Variants in PDS5A observed in about 807,000 individuals in gnomAD.
The protein encoded by PDS5A is PDS5 cohesin associated factor A.
In PDS5A, 42 loss-of-function variants were observed where a neutral mutation model predicts 167.1. The ratio of observed to expected loss-of-function variants is 0.25; its 90% CI spans 0.20 to 0.33. PDS5A has a LOEUF of 0.33. PDS5A is among the 10% of genes least tolerant of loss of function. The probability of loss-of-function intolerance (pLI) is 1.00; values close to 1 mark genes in which losing one functional copy is unlikely to be tolerated. For missense variants in PDS5A, 1,033 were observed against 1,605.9 expected (o/e 0.64, Z 6.10); for synonymous variants, 553 against 554.6 (o/e 1.00, Z 0.04).
rs368105443 is a variant in PDS5A at position 39,873,039 on chromosome 4, T to C, written c.2383A>G (p.Met795Val). Residue 795 changes from methionine to valine, a missense_variant, in exon 21 of 33, where the codon ATG becomes GTG. Physicochemically the swap from Met to Val is conservative, Grantham distance 21 (BLOSUM62 1). Coordinates refer to ENST00000303538, the MANE Select transcript of PDS5A (RefSeq NM_001100399.2). ...ATAAAATTTGCTACTACAGATTTCA[T>C]TGGGGAAGCAAACTGATCTGGTGCT... is the stretch of plus-strand genomic sequence containing the variant. ...MLAPDQFASP[M>V]KSVVANFIVK... 96 of 1,539,406 alleles carry C rather than the reference T, an allele frequency of 6.2e-5. No homozygotes were observed. Among genetic ancestry groups the C allele is most frequent in the Middle Eastern group, 5.1e-4 (3 of 5,826 alleles).
intron 22 of PDS5A, among the ~76,000 whole-genome samples, chr4:39,867,774 A>ACACCCCC (rs369419469): frequency 2.9e-4 from 32 of 108,590 alleles, no homozygotes; most frequent in East Asian, 2.7e-3. Flanking sequence ...ACACACACAC[A>ACACCCCC]CCCCACAACT....
intron 2 of PDS5A, among the ~76,000 whole-genome samples, chr4:39,969,097 T>C (rs775383094): frequency 2.3e-4 from 35 of 152,184 alleles, no homozygotes; most frequent in Non-Finnish European, 4.1e-4. Flanking sequence ...AATGTAACAA[T>C]GATACTAAAC....
chr4:39,859,771 C>A (rs886938552), intron 26 of PDS5A, among the ~76,000 whole-genome samples: 5 of 152,216 alleles, frequency 3.3e-5, no homozygotes, highest in African/African-American at 4.8e-5. Flanking sequence ...GTCTGGGAAG[C>A]CCACTCCAGT....
Position 39,872,935 on chromosome 4 carries a change from G to A in PDS5A, c.2436+51C>T, listed in dbSNP as rs1194149998. On this transcript the variant is annotated intron_variant, in intron 21 of 32. Transcript: ENST00000303538. ...ACAGAAGTGTTTCTGTGATGAAGAT[G>A]TAAACAGCCTTAATCTCATGATTCT... 6 of 1,040,532 alleles carry A rather than the reference G, an allele frequency of 5.8e-6. 1 individual carries two copies. The South Asian group carries it at 1.1e-4, about 18-fold the overall frequency. 64.5% of individuals were successfully genotyped at this position (1,040,532 alleles called of 1,614,324 possible).
At chr4:39,869,493 G>A in intron 21 of PDS5A, 31 bp from the exon 22 acceptor site, 1 of 1,364,020 alleles carries the variant, frequency 7.3e-7, no homozygotes, top group Non-Finnish European at 1.0e-6. Context: ...TTAGCTATTA[G>A]CATGAAAAAA....
At chr4:39,960,365 T>C (rs1729369355) in intron 2 of PDS5A, among the ~76,000 whole-genome samples, 3 of 152,250 alleles carry the variant, frequency 2.0e-5, no homozygotes, top group African/African-American at 7.2e-5. Flanking sequence ...AACAATGATA[T>C]GTGTATAAGT....
At chr4:39,883,004 A>T (rs547822060) in intron 17 of PDS5A, among the ~76,000 whole-genome samples, 28 of 152,118 alleles carry the variant, frequency 1.8e-4, no homozygotes, top group African/African-American at 6.3e-4. Flanking sequence ...CTTGAGTGAA[A>T]ACTCTTCTAA....
At chr4:39,893,377 T>C (rs762843768) in intron 16 of PDS5A, among the ~76,000 whole-genome samples, 1 of 152,166 alleles carries the variant, frequency 6.6e-6, no homozygotes, top group Non-Finnish European at 1.5e-5. Flanking sequence ...TCAAAGTATG[T>C]TTGCTAAGAT....
chr4:39,848,676 T>C, intron 28 of PDS5A, 175 bp downstream of exon 28: 2 of 588,266 alleles, frequency 3.4e-6, no homozygotes, highest in Non-Finnish European at 6.0e-6. Flanking sequence ...TGTAGTCTTC[T>C]GTTCAAGTCA....
intron 32 of PDS5A, 139 bp downstream of exon 32, chr4:39,837,717 A>C (rs1309534420): frequency 1.6e-6 from 1 of 617,192 alleles, no homozygotes; most frequent in Admixed American, 3.3e-5. Flanking sequence ...AACAGATGCT[A>C]TTATAAACGG....
chr4:39,858,749 G>A (rs918630531), intron 26 of PDS5A, among the ~76,000 whole-genome samples: 1 of 151,888 alleles, frequency 6.6e-6, no homozygotes, highest in Non-Finnish European at 1.5e-5. Context: ...TCAGCCTCCC[G>A]AGTAGCTGGG....
At chr4:39,866,112 T>TTTTA (rs969434428) in intron 23 of PDS5A, among the ~76,000 whole-genome samples, 3 of 152,240 alleles carry the variant, frequency 2.0e-5, no homozygotes, top group South Asian at 2.1e-4. Context: ...CAATTTTTAT[T>TTTTA]TTTATTTATT....
At chr4:39,962,528 G>A (rs892373367) in intron 2 of PDS5A, among the ~76,000 whole-genome samples, 1 of 152,090 alleles carries the variant, frequency 6.6e-6, no homozygotes, top group African/African-American at 2.4e-5. Flanking sequence ...TAGGCAGGTT[G>A]GGCGCAGTGG....
intron 2 of PDS5A, among the ~76,000 whole-genome samples, chr4:39,955,504 G>T (rs1220947948): frequency 6.6e-6 from 1 of 152,068 alleles, no homozygotes; most frequent in African/African-American, 2.4e-5. Flanking sequence ...GGAGGCTGAG[G>T]TGGGAGAACT....
chr4:39,830,047 G>A (rs1009820910), intron 32 of PDS5A, among the ~76,000 whole-genome samples: 4 of 150,166 alleles, frequency 2.7e-5, no homozygotes, highest in Non-Finnish European at 5.9e-5. Context: ...GTGATATGCT[G>A]GGATCTTAAG....
chr4:39,874,182 T>C (rs1720281266), intron 20 of PDS5A, 107 bp downstream of exon 20: 3 of 826,748 alleles, frequency 3.6e-6, no homozygotes, highest in Middle Eastern at 3.6e-4. Flanking sequence ...TAGTCTAAGG[T>C]AGGACTTCAT....
At chr4:39,901,087 CA>C (rs1722837547) in intron 13 of PDS5A, among the ~76,000 whole-genome samples, 1 of 152,118 alleles carries the variant, frequency 6.6e-6, no homozygotes, top group African/African-American at 2.4e-5. Context: ...AAATCCCATC[CA>C]TATTTCCAGG....
chr4:39,898,970 A>G (rs1442356079), intron 14 of PDS5A, 145 bp from the exon 15 acceptor site: 1 of 594,934 alleles, frequency 1.7e-6, no homozygotes, highest in Non-Finnish European at 3.0e-6. Context: ...AAATGGTTTT[A>G]CCACATATAT....
intron 11 of PDS5A, among the ~76,000 whole-genome samples, chr4:39,907,359 C>G (rs918688213): frequency 2.0e-5 from 3 of 152,068 alleles, no homozygotes; most frequent in African/African-American, 4.8e-5. Context: ...AAAACCCAAA[C>G]CAATTACTAT....
Sources: allele counts gnomAD v4.1 joint callset (sites outside exome capture counted in the v4.1 genomes callset), GRCh38; gene constraint gnomAD v4.1.1; transcripts MANE v1.5; gene names NCBI Gene and HGNC (gene_info 2026-07-23, HGNC 2026-07-21).